The following PPM1H variants were observed in gnomAD, a reference collection of about 807,000 sequenced individuals.
The protein encoded by PPM1H is protein phosphatase, Mg2+/Mn2+ dependent 1H.
PPM1H carries 27 observed loss-of-function variants against 54.9 expected under a neutral mutation model. The ratio of observed to expected loss-of-function variants is 0.49; its 90% CI spans 0.36 to 0.68. PPM1H has a LOEUF of 0.68. Among genes scored for constraint, PPM1H ranks in the 30% least tolerant of loss-of-function variants. PPM1H has a pLI of 0.00. For missense variants in PPM1H, 596 were observed against 667.8 expected, an observed-to-expected ratio of 0.89 and a Z score of 1.19; for synonymous variants, 305 against 270.8, an observed-to-expected ratio of 1.13 and a Z score of -1.24.
In PPM1H at chr12:62,934,136, A is replaced by T. The variant is rs1872241804; in HGVS notation, c.245+356T>A. The T allele has an allele frequency of 4.7e-6, 1 of 214,886 alleles. No homozygotes were observed. The highest frequency in any genetic ancestry group is 9.2e-6 in the Non-Finnish European group (1 of 108,786). The allele number at this position is 214,886 out of a possible 1,614,324, so 13.3% of individuals were successfully genotyped here. On this transcript the variant is annotated intron_variant, in intron 1 of 9. Coordinates refer to ENST00000228705, the MANE Select transcript of PPM1H (RefSeq NM_020700.2). The surrounding 1 kb of genome is among the most constrained non-coding windows in gnomAD (Gnocchi z 4.2). ...TTGGGAGGGTGGGGGTACAGATAGC[A>T]GATTTTCCTTATGTGTTTCAAACTT...
intron 4 of PPM1H, among the ~76,000 whole-genome samples, chr12:62,770,508 G>A (rs993726144): frequency 1.2e-4 from 18 of 151,828 alleles, no homozygotes; most frequent in Non-Finnish European, 1.9e-4. Flanking sequence ...CTGTTGTAAG[G>A]TCTCATTTAA....
Position 62,646,902 on chromosome 12 carries a change from T to TCAAA in PPM1H, c.*1583_*1586dup, listed in dbSNP as rs1196893096. On this transcript the variant is annotated 3_prime_UTR_variant, in exon 10 of 10. Transcript: ENST00000228705. ...CCTATCCTCTCCTCTGGGAAGAAAT[T>TCAAA]CAAACAAATATGAGAACTGGAATTA... The TCAAA allele has an allele frequency of 2.6e-5, 4 of 152,156 alleles. No individual in the cohort carries two copies. Among genetic ancestry groups the TCAAA allele is most frequent in the East Asian group, 1.9e-4 (1 of 5,182 alleles). 9.4% of individuals were successfully genotyped at this position (152,156 alleles called of 1,614,324 possible).
chr12:62,890,650 A>G (rs1438444130), intron 1 of PPM1H, among the ~76,000 whole-genome samples: 1 of 152,042 alleles, frequency 6.6e-6, no homozygotes, highest in Non-Finnish European at 1.5e-5. Context: ...AAATCTTTCA[A>G]TAAGTGATTA....
intron 6 of PPM1H, among the ~76,000 whole-genome samples, chr12:62,710,809 C>T (rs999143428): frequency 6.6e-6 from 1 of 152,176 alleles, no homozygotes; most frequent in Non-Finnish European, 1.5e-5. Flanking sequence ...CATTACCTTG[C>T]AGAGGCAGCA....
At chr12:62,724,062 G>C (rs1290338381) in intron 5 of PPM1H, among the ~76,000 whole-genome samples, 1 of 152,062 alleles carries the variant, frequency 6.6e-6, no homozygotes, top group Non-Finnish European at 1.5e-5. Flanking sequence ...TATCACACAG[G>C]GATGCCAAGA....
chr12:62,653,370 G>A (rs968679224), intron 9 of PPM1H, among the ~76,000 whole-genome samples: 2 of 152,098 alleles, frequency 1.3e-5, no homozygotes, highest in Non-Finnish European at 2.9e-5. Context: ...ACTTCTCTGC[G>A]ATATCTTTCA....
rs1305665298 is a variant in PPM1H, at chr12:62,919,712, G to T, written c.245+14780C>A. On this transcript the variant is annotated intron_variant, in intron 1 of 9. Coordinates refer to ENST00000228705, the MANE Select transcript of PPM1H (RefSeq NM_020700.2). ...TGATGTTGAGAAGGTTGGGAACCAG[G>T]ACTTGAGGAATTTACAGCACAAGTC... is the stretch of plus-strand genomic sequence containing the variant. Among the ~76,000 whole-genome samples the T allele has an allele frequency of 2.6e-5, 4 of 152,106 alleles. No homozygotes were observed. The East Asian group carries it at 7.7e-4, about 29-fold the overall frequency.
chr12:62,934,585 T>C lies in PPM1H; in HGVS notation c.152A>G (p.Gln51Arg). 5 of 1,564,894 alleles carry C rather than the reference T, an allele frequency of 3.2e-6. No individual in the cohort carries two copies. The highest frequency in any genetic ancestry group is 2.4e-5 in the East Asian group (1 of 41,738). ...GTCGGCGCTGCACTCCACCTCGTCC[T>C]GAGACAGCCCCAGGAACTCTGGCCG... ...YGRPEFLGLS[Q>R]DEVECSADHI... Residue 51 changes from glutamine to arginine, a missense_variant, in exon 1 of 10, where the codon CAG (glutamine) becomes CGG (arginine). Gln to Arg is a conservative substitution (Grantham distance 43, BLOSUM62 1). Coordinates refer to ENST00000228705, the MANE Select transcript of PPM1H (RefSeq NM_020700.2). This position sits in a 1 kb window ranked among gnomAD's most constrained non-coding sequence, Gnocchi z 4.2.
intron 1 of PPM1H, among the ~76,000 whole-genome samples, chr12:62,892,325 C>T (rs1451346709): frequency 1.3e-5 from 2 of 152,104 alleles, no homozygotes; most frequent in Non-Finnish European, 1.5e-5. Flanking sequence ...TTTGAAATTC[C>T]TTTCATCTCT....
At chr12:62,910,675 G>A in intron 1 of PPM1H, among the ~76,000 whole-genome samples, 1 of 152,132 alleles carries the variant, frequency 6.6e-6, no homozygotes, top group East Asian at 1.9e-4. Flanking sequence ...GACGAAGGAA[G>A]GGCTTAGCAG....
intron 1 of PPM1H, among the ~76,000 whole-genome samples, chr12:62,870,877 C>T (rs1181625040): frequency 3.3e-5 from 5 of 152,176 alleles, no homozygotes; most frequent in African/African-American, 1.2e-4. Context: ...CACTTCACAC[C>T]CACTGGGCTG....
chr12:62,934,468 C>T lies in PPM1H; in HGVS notation c.245+24G>A. 2 of 1,521,750 alleles carry T rather than the reference C, an allele frequency of 1.3e-6. No homozygotes were observed. The highest frequency in any genetic ancestry group is 1.2e-5 in the South Asian group (1 of 80,530). 94.3% of individuals were successfully genotyped at this position (1,521,750 alleles called of 1,614,324 possible). A position where few individuals can be genotyped will look rare whatever the true frequency, so the allele number is the denominator to read the frequency against. Reference sequence around the variant, plus strand: ...GGAAGGGCCGCGAGGAGAGCAGGGGCGCCGCCGGTGTCGCTGCACTCACTC... The same window carrying T: ...GGAAGGGCCGCGAGGAGAGCAGGGGTGCCGCCGGTGTCGCTGCACTCACTC... On this transcript the variant is annotated intron_variant, in intron 1 of 9. Transcript: ENST00000228705. The surrounding 1 kb of genome is among the most constrained non-coding windows in gnomAD (Gnocchi z 4.2).
At chr12:62,754,162 A>C (rs552792052) in intron 4 of PPM1H, among the ~76,000 whole-genome samples, 1 of 152,350 alleles carries the variant, frequency 6.6e-6, no homozygotes, top group South Asian at 2.1e-4. Context: ...AGGGCATTGA[A>C]GAAGAGATGT....
chr12:62,681,996 C>T (rs1160513292), intron 8 of PPM1H, among the ~76,000 whole-genome samples: 1 of 152,196 alleles, frequency 6.6e-6, no homozygotes, highest in Non-Finnish European at 1.5e-5. Context: ...CAAACAGGAA[C>T]CTGAGATCCA....
intron 2 of PPM1H, among the ~76,000 whole-genome samples, chr12:62,829,094 T>C (rs973362421): frequency 2.6e-5 from 4 of 152,104 alleles, no homozygotes; most frequent in Non-Finnish European, 5.9e-5. Flanking sequence ...AATCCTCCTC[T>C]AGATATATAG....
chr12:62,819,892 T>C (rs1017891250), intron 2 of PPM1H, among the ~76,000 whole-genome samples: 1 of 152,180 alleles, frequency 6.6e-6, no homozygotes, highest in Non-Finnish European at 1.5e-5. Flanking sequence ...CATTTCGAAC[T>C]GAGGTACCTG....
intron 1 of PPM1H, among the ~76,000 whole-genome samples, chr12:62,881,683 T>G (rs987929870): frequency 3.3e-5 from 5 of 152,222 alleles, no homozygotes; most frequent in Admixed American, 6.5e-5. Context: ...TGACAAACCC[T>G]GACATCAATG....
At chr12:62,803,127 C>A (rs1256656979) in intron 2 of PPM1H, among the ~76,000 whole-genome samples, 1 of 152,182 alleles carries the variant, frequency 6.6e-6, no homozygotes, top group Non-Finnish European at 1.5e-5. Context: ...GCAGCCAATT[C>A]AAATCTCCTC....
At chr12:62,848,277 T>A (rs1236717894) in intron 1 of PPM1H, among the ~76,000 whole-genome samples, 1 of 152,206 alleles carries the variant, frequency 6.6e-6, no homozygotes. Flanking sequence ...CAAAAATAAC[T>A]AAGGTGCAAA....
Sources: gnomAD v4.1 joint callset for allele counts (sites outside exome capture counted in the v4.1 genomes callset) on GRCh38, gnomAD v4.1.1 for gene constraint, Gnocchi (gnomAD v3.1) non-coding constraint, MANE v1.5 for transcripts, NCBI Gene and HGNC (gene_info 2026-07-23, HGNC 2026-07-21) for gene names.